PCDHA13: variants seen among roughly 807,000 people sequenced by gnomAD.
The protein encoded by PCDHA13 is protocadherin alpha-13.
Under a neutral mutation model 64.8 loss-of-function variants are expected in PCDHA13, and 54 were observed. The ratio of observed to expected loss-of-function variants is 0.83; its 90% CI spans 0.67 to 1.04. The LOEUF is 1.04. PCDHA13 is among the 50% of genes least tolerant of loss of function. The pLI is 0.00. For synonymous variants in PCDHA13, 587 were observed against 564.4 expected (o/e 1.04, Z -0.57); for missense variants, 1,248 against 1,254.3 (o/e 0.99, Z 0.08).
At chr5:140,966,792 C>T (rs1182470326) in intron 1 of PCDHA13, 4 of 1,530,564 alleles carry the variant, frequency 2.6e-6, no homozygotes, top group Non-Finnish European at 2.6e-6. Context: ...ACCAGACCTG[C>T]GGCGACAGAG....
Position 141,011,486 on chromosome 5 carries a change from T to C in PCDHA13, c.*1549T>C, listed in dbSNP as rs887081256. ...GAATGTAATTCCATTATATTTCCTT[T>C]TGTACACCTGTGAAAAAGTGGAGTA... is the stretch of plus-strand genomic sequence containing the variant. On this transcript the variant is annotated 3_prime_UTR_variant, in exon 4 of 4. Coordinates refer to ENST00000289272, the MANE Select transcript of PCDHA13 (RefSeq NM_018904.3). 15 of 153,928 alleles carry C rather than the reference T, an allele frequency of 9.7e-5. No homozygotes were observed. Among genetic ancestry groups the C allele is most frequent in the African/African-American group, 2.9e-4 (12 of 41,596 alleles). The allele number at this position is 153,928 out of a possible 1,614,324, so 9.5% of individuals were successfully genotyped here.
At chr5:141,008,431 C>T (rs1192058423) in intron 3 of PCDHA13, among the ~76,000 whole-genome samples, 1 of 152,140 alleles carries the variant, frequency 6.6e-6, no homozygotes, top group Non-Finnish European at 1.5e-5. Flanking sequence ...GATCACTTTG[C>T]CCAGACAGAC....
intron 1 of PCDHA13, among the ~76,000 whole-genome samples, chr5:140,886,842 AAAAAAG>A (rs1562824849): frequency 6.6e-6 from 1 of 151,524 alleles, no homozygotes. Flanking sequence ...AAAAAAAAAA[AAAAAAG>A]AAAGGTCTTC....
chr5:140,974,394 A>G (rs1554236015), intron 1 of PCDHA13, among the ~76,000 whole-genome samples: 1 of 152,212 alleles, frequency 6.6e-6, no homozygotes, highest in Non-Finnish European at 1.5e-5. Context: ...CCCATTAGGT[A>G]TGTTCTAAAG....
chr5:140,910,058 T>A (rs571957156), intron 1 of PCDHA13, among the ~76,000 whole-genome samples: 5 of 152,344 alleles, frequency 3.3e-5, no homozygotes, highest in African/African-American at 9.6e-5. Flanking sequence ...TAAGTGATCT[T>A]TTAACAGCGT....
intron 3 of PCDHA13, among the ~76,000 whole-genome samples, chr5:140,992,185 C>G (rs1554252730): frequency 1.3e-5 from 2 of 152,102 alleles, no homozygotes; most frequent in African/African-American, 4.8e-5. Context: ...ATCATGCTTT[C>G]AGTGATCTAT....
chr5:140,965,236 A>G (rs1374558346), intron 1 of PCDHA13, among the ~76,000 whole-genome samples: 1 of 152,222 alleles, frequency 6.6e-6, no homozygotes, highest in African/African-American at 2.4e-5. Flanking sequence ...GAACCTGGGA[A>G]GAGTGAATAT....
intron 1 of PCDHA13, among the ~76,000 whole-genome samples, chr5:140,888,353 A>G (rs907810387): frequency 1.9e-4 from 29 of 152,220 alleles, no homozygotes; most frequent in African/African-American, 6.8e-4. Context: ...GGGAATTGCT[A>G]CTGGCATCTA....
At chr5:140,966,683 G>A (rs1357691419) in intron 1 of PCDHA13, 1 of 1,331,590 alleles carries the variant, frequency 7.5e-7, no homozygotes. Flanking sequence ...TGGCACGAGC[G>A]GAGGCGGGGC....
In PCDHA13 at chr5:141,010,049, C is replaced by G. The variant is rs1554262651; in HGVS notation, c.*112C>G. 7 of 1,597,692 alleles carry G rather than the reference C, an allele frequency of 4.4e-6. No individual in the cohort carries two copies. The highest frequency in any genetic ancestry group is 1.3e-5 in the African/African-American group (1 of 74,172). On this transcript the variant is annotated 3_prime_UTR_variant, in exon 4 of 4. Coordinates refer to ENST00000289272, the MANE Select transcript of PCDHA13 (RefSeq NM_018904.3). ...TATCTACATGAGCCCTCTTAGAGAC[C>G]TCAGAAATCTGCAGAAAGTTCCCTG...
chr5:140,930,453 C>G (rs1195640207), intron 1 of PCDHA13: 6 of 152,300 alleles, frequency 3.9e-5, no homozygotes, highest in African/African-American at 1.5e-4. Flanking sequence ...AAACTCCTAG[C>G]CTCAAGTGAT....
intron 1 of PCDHA13, chr5:140,966,931 C>T: frequency 6.2e-7 from 1 of 1,603,674 alleles, no homozygotes; most frequent in Non-Finnish European, 8.5e-7. Flanking sequence ...AGGCACCCGG[C>T]GCGCTCGTGG....
chr5:140,913,462 G>A (rs1300773586), intron 1 of PCDHA13, among the ~76,000 whole-genome samples: 1 of 151,764 alleles, frequency 6.6e-6, no homozygotes, highest in African/African-American at 2.4e-5. Context: ...TTATTTACTT[G>A]GGTCTTCTCT....
chr5:140,969,214 A>G (rs906572071), intron 1 of PCDHA13: 5 of 1,614,194 alleles, frequency 3.1e-6, no homozygotes, highest in Non-Finnish European at 4.2e-6. Context: ...CCCAGACAGG[A>G]CCAGGGCCTT....
intron 1 of PCDHA13, among the ~76,000 whole-genome samples, chr5:140,964,925 T>C (rs1586044682): frequency 6.6e-6 from 1 of 152,148 alleles, no homozygotes; most frequent in African/African-American, 2.4e-5. Flanking sequence ...ACTGGCTAGG[T>C]AGTGGAGCAT....
chr5:140,953,602 CCA>C (rs1246265860), intron 1 of PCDHA13, among the ~76,000 whole-genome samples: 3 of 152,040 alleles, frequency 2.0e-5, no homozygotes, highest in Admixed American at 6.6e-5. Context: ...TGTTTATTCC[CCA>C]GAGTCCTTAG....
chr5:140,925,671 A>G (rs999903876), intron 1 of PCDHA13, among the ~76,000 whole-genome samples: 5 of 148,178 alleles, frequency 3.4e-5, no homozygotes, highest in African/African-American at 1.2e-4. Flanking sequence ...TAATAATAAT[A>G]ATAATAAAGC....
intron 3 of PCDHA13, among the ~76,000 whole-genome samples, chr5:140,990,585 T>C (rs2097401437): frequency 6.6e-6 from 1 of 152,204 alleles, no homozygotes; most frequent in Non-Finnish European, 1.5e-5. Flanking sequence ...TCTTTTCCTA[T>C]AATCACCTGG....
intron 1 of PCDHA13, among the ~76,000 whole-genome samples, chr5:140,964,719 C>T (rs1042863318): frequency 1.3e-5 from 2 of 151,420 alleles, no homozygotes; most frequent in Non-Finnish European, 2.9e-5. Flanking sequence ...ATCAAATTAC[C>T]ACAGCAAACT....
Sources: allele counts gnomAD v4.1 joint callset (sites outside exome capture counted in the v4.1 genomes callset), GRCh38; gene constraint gnomAD v4.1.1; transcripts MANE v1.5; gene names NCBI Gene and HGNC (gene_info 2026-07-23, HGNC 2026-07-21).